Variants in TOP1 observed in about 807,000 individuals in gnomAD.
The protein encoded by TOP1 is DNA topoisomerase I, also known as DNA topoisomerase 1.
Under a neutral mutation model 111.1 loss-of-function variants are expected in TOP1, and 10 were observed. The ratio of observed to expected loss-of-function variants is 0.09; its 90% confidence interval spans 0.06 to 0.15. TOP1 has a LOEUF of 0.15. TOP1 is among the 10% of genes least tolerant of loss of function. The probability of loss-of-function intolerance (pLI) is 1.00; values close to 1 mark genes in which losing one functional copy is unlikely to be tolerated. For synonymous variants in TOP1, 271 were observed against 302.9 expected (o/e 0.89, Z 1.10); for missense variants, 474 against 926.7 (o/e 0.51, Z 6.34).
rs1414989117 is a variant in TOP1, at chr20:41,095,229, A to G, written c.731-1991A>G. On this transcript the variant is annotated intron_variant, in intron 9 of 20. Coordinates refer to ENST00000361337, the MANE Select transcript of TOP1 (RefSeq NM_003286.4). This position sits in a 1 kb window ranked among gnomAD's most constrained non-coding sequence, Gnocchi z 4.6. ...CACCACACCTAAGTTTTGTATTTTT[A>G]ATAGAGACAGGGTTTTACCATGTTG... Among the ~76,000 whole-genome samples, 1 of 151,928 alleles carries G rather than the reference A, an allele frequency of 6.6e-6. No individual in the cohort carries two copies. The highest frequency in any genetic ancestry group is 2.4e-5 in the African/African-American group (1 of 41,368).
At chr20:41,120,995 C>G (rs746577221) in intron 18 of TOP1, among the ~76,000 whole-genome samples, 46 of 152,344 alleles carry the variant, frequency 3.0e-4, no homozygotes, top group South Asian at 6.2e-4. Flanking sequence ...CCCTCCTCAG[C>G]CTCCCCAAAG....
rs188775923 is a variant in TOP1 at position 41,118,508 on chromosome 20, G to A, written c.1950+212G>A. Among the ~76,000 whole-genome samples the A allele has an allele frequency of 4.5e-4, 69 of 152,266 alleles. No homozygotes were observed. Among genetic ancestry groups the A allele is most frequent in the African/African-American group, 1.5e-3 (64 of 41,558 alleles). ...ATTATTCAAGAAATCTTTATTCTAC[G>A]CATAGAAGTTCTATACTGGCCACTC... On this transcript the variant is annotated intron_variant, in intron 18 of 20. Transcript: ENST00000361337. This position sits in a 1 kb window ranked among gnomAD's most constrained non-coding sequence, Gnocchi z 4.6.
intron 3 of TOP1, chr20:41,072,364 A>T (rs1422816119): frequency 7.1e-6 from 7 of 985,306 alleles, no homozygotes; most frequent in Non-Finnish European, 8.4e-6. Flanking sequence ...TTCACTGTTA[A>T]TGAGGAAAGT....
Position 41,092,576 on chromosome 20 carries a change from T to A in TOP1, c.719T>A (p.Phe240Tyr), listed in dbSNP as rs764596482. Residue 240 changes from phenylalanine to tyrosine, a missense_variant, in exon 9 of 21, where the codon TTT becomes TAT. Coordinates refer to ENST00000361337, the MANE Select transcript of TOP1 (RefSeq NM_003286.4). This position sits in a 1 kb window ranked among gnomAD's most constrained non-coding sequence, Gnocchi z 4.3. ...PYEPLPENVKFYYDGKVMKLS... is the reference protein window; with the variant it reads ...PYEPLPENVKYYYDGKVMKLS... Reference sequence around the variant, plus strand: ...GAGCCTCTTCCAGAGAATGTCAAGTTTTATTATGATGGTGAGTTGTTTCAA... The same window carrying A: ...GAGCCTCTTCCAGAGAATGTCAAGTATTATTATGATGGTGAGTTGTTTCAA... 6.5e-7 allele frequency: 1 copy of A among 1,532,062 alleles called. No individual in the cohort carries two copies. Among genetic ancestry groups the A allele is most frequent in the Non-Finnish European group, 8.9e-7 (1 of 1,119,090 alleles). 94.9% of individuals were successfully genotyped at this position (1,532,062 alleles called of 1,614,324 possible).
Position 41,036,652 on chromosome 20 carries a change from T to C in TOP1, c.58+7197T>C, listed in dbSNP as rs181610239. Reference sequence around the variant, plus strand: ...TTCCCTGTTAAAGTTTTAAATCTTCTTGACATTTACACAGTGAATTGTAAC... The same window carrying C: ...TTCCCTGTTAAAGTTTTAAATCTTCCTGACATTTACACAGTGAATTGTAAC... On this transcript the variant is annotated intron_variant, in intron 2 of 20. Transcript: ENST00000361337. Among the ~76,000 whole-genome samples, 328 of 151,420 alleles carry C rather than the reference T, an allele frequency of 2.2e-3. 1 individual carries two copies. The highest frequency in any genetic ancestry group is 6.5e-3 in the African/African-American group (270 of 41,446).
chr20:41,118,382 G>A lies in TOP1; in HGVS notation c.1950+86G>A. 2.0e-6 allele frequency: 3 copies of A among 1,495,598 alleles called. No homozygotes were observed. In the South Asian group the frequency reaches 3.6e-5, roughly 18 times the overall value. 92.6% of individuals were successfully genotyped at this position (1,495,598 alleles called of 1,614,324 possible). On this transcript the variant is annotated intron_variant, in intron 18 of 20. Transcript: ENST00000361337. The surrounding 1 kb of genome is among the most constrained non-coding windows in gnomAD (Gnocchi z 4.6). Reference sequence around the variant, plus strand: ...GGATTCAGGGCTGAGATATCAGCAGGCCAGTGCTGGGTCTGTTGTAGAAGG... The same window carrying A: ...GGATTCAGGGCTGAGATATCAGCAGACCAGTGCTGGGTCTGTTGTAGAAGG...
At chr20:41,055,947 T>C (rs2033465172) in intron 2 of TOP1, among the ~76,000 whole-genome samples, 1 of 152,214 alleles carries the variant, frequency 6.6e-6, no homozygotes, top group African/African-American at 2.4e-5. Flanking sequence ...GGAAGAAGCT[T>C]AAAGATAATG....
chr20:41,056,620 A>T (rs1305971039), intron 2 of TOP1, among the ~76,000 whole-genome samples: 1 of 152,170 alleles, frequency 6.6e-6, no homozygotes, highest in Non-Finnish European at 1.5e-5. Flanking sequence ...AGCCAGTATT[A>T]CAGGTGCACC....
chr20:41,088,882 C>T (rs540398780), intron 8 of TOP1, among the ~76,000 whole-genome samples: 2 of 152,134 alleles, frequency 1.3e-5, no homozygotes, highest in South Asian at 4.2e-4. Context: ...ATCATCTTAA[C>T]CATTTTTAAG....
Position 41,052,772 on chromosome 20 carries a change from C to G in TOP1, c.59-8622C>G, listed in dbSNP as rs145748461. ...TTGGGAGGCCAAGGCAGGTATATCACTTGAGGTCAGGAGTTCGAGACCAGC... is the reference window on the plus strand; with the variant it reads ...TTGGGAGGCCAAGGCAGGTATATCAGTTGAGGTCAGGAGTTCGAGACCAGC... On this transcript the variant is annotated intron_variant, in intron 2 of 20. Coordinates refer to ENST00000361337, the MANE Select transcript of TOP1 (RefSeq NM_003286.4). Among the ~76,000 whole-genome samples the G allele has an allele frequency of 1.8e-3, 274 of 152,292 alleles. 2 individuals carry two copies. Among genetic ancestry groups the G allele is most frequent in the African/African-American group, 6.1e-3 (254 of 41,554 alleles).
chr20:41,032,172 A>G lies in TOP1; in HGVS notation c.58+2717A>G, dbSNP rs1194033335. On this transcript the variant is annotated intron_variant, in intron 2 of 20. Coordinates refer to ENST00000361337, the MANE Select transcript of TOP1 (RefSeq NM_003286.4). The surrounding 1 kb of genome is among the most constrained non-coding windows in gnomAD (Gnocchi z 4.3). ...AACCCATCTTACAGATTAACTGTAC[A>G]AGTTCATATATTAAAATCAAACGTC... Among the ~76,000 whole-genome samples the G allele has an allele frequency of 6.6e-6, 1 of 152,156 alleles. No individual in the cohort carries two copies. The highest frequency in any genetic ancestry group is 6.5e-5 in the Admixed American group (1 of 15,272).
At chr20:41,087,911 C>CT (rs56339484) in intron 8 of TOP1, among the ~76,000 whole-genome samples, 25,180 of 152,102 alleles carry the variant, frequency 0.17, 3,230 homozygotes, top group East Asian at 0.7. Context: ...ATTTCGATGT[C>CT]TAAGTACATG....
In TOP1 at chr20:41,029,576, C is replaced by A; in HGVS notation, c.58+121C>A. 1.2e-6 allele frequency: 1 copy of A among 800,038 alleles called. No homozygotes were observed. The highest frequency in any genetic ancestry group is 2.1e-6 in the Non-Finnish European group (1 of 480,814). The allele number at this position is 800,038 out of a possible 1,614,324, so 49.6% of individuals were successfully genotyped here. A position where few individuals can be genotyped will look rare whatever the true frequency, so the allele number is the denominator to read the frequency against. On this transcript the variant is annotated intron_variant, in intron 2 of 20. Coordinates refer to ENST00000361337, the MANE Select transcript of TOP1 (RefSeq NM_003286.4). The surrounding 1 kb of genome is among the most constrained non-coding windows in gnomAD (Gnocchi z 6.1). ...CCAGAGACTAAGTCCCGGCTCCTCGCTCACCGGCCCCATTGTTCCCATCGG... is the reference window on the plus strand; with the variant it reads ...CCAGAGACTAAGTCCCGGCTCCTCGATCACCGGCCCCATTGTTCCCATCGG...
In TOP1 at chr20:41,069,302, A is replaced by G. The variant is rs2033643820; in HGVS notation, c.156-6869A>G. 6.6e-6 allele frequency among the ~76,000 whole-genome samples: 1 copy of G among 152,226 alleles called. No homozygotes were observed. Among genetic ancestry groups the G allele is most frequent in the African/African-American group, 2.4e-5 (1 of 41,458 alleles). ...GTTTGCCAAAGCCCTCCCTTTGTCT[A>G]CACATCACTATATCATCCTGTCTGT... On this transcript the variant is annotated intron_variant, in intron 3 of 20. Coordinates refer to ENST00000361337, the MANE Select transcript of TOP1 (RefSeq NM_003286.4). This position sits in a 1 kb window ranked among gnomAD's most constrained non-coding sequence, Gnocchi z 4.1.
intron 3 of TOP1, among the ~76,000 whole-genome samples, chr20:41,070,437 G>A (rs985421312): frequency 1.3e-5 from 2 of 152,222 alleles, no homozygotes; most frequent in Non-Finnish European, 2.9e-5. Context: ...CGGCATTGTA[G>A]TGTGTAATGA....
In TOP1 at chr20:41,115,400, G is replaced by A. The variant is rs2034313405; in HGVS notation, c.1668G>A (p.Glu556=). Residue 556 remains glutamate (E), a synonymous_variant, in exon 16 of 21, where the codon GAG becomes GAA. Transcript: ENST00000361337. The surrounding 1 kb of genome is among the most constrained non-coding windows in gnomAD (Gnocchi z 6.3). ...RVFKNLQLFM[E]NKQPEDDLFD... ...TTAAGAACCTACAACTATTTATGGA[G>A]AACAAGCAGCCCGAGGATGATCTTT... 1 of 1,612,956 alleles carries A rather than the reference G, an allele frequency of 6.2e-7. No homozygotes were observed. Among genetic ancestry groups the A allele is most frequent in the African/African-American group, 1.3e-5 (1 of 74,844 alleles).
chr20:41,035,516 TTTG>T (rs951246339), intron 2 of TOP1, among the ~76,000 whole-genome samples: 2 of 152,198 alleles, frequency 1.3e-5, no homozygotes, highest in African/African-American at 2.4e-5. Flanking sequence ...ATCTCCTGTA[TTTG>T]TTGTTGTAAA....
chr20:41,064,359 A>T (rs977327667), intron 3 of TOP1, among the ~76,000 whole-genome samples: 1 of 152,194 alleles, frequency 6.6e-6, no homozygotes. Flanking sequence ...TGCACACGAA[A>T]TGTGCCAAAA....
In TOP1 at chr20:41,095,802, T is replaced by C. The variant is rs1393455088; in HGVS notation, c.731-1418T>C. Among the ~76,000 whole-genome samples the C allele has an allele frequency of 2.0e-5, 3 of 152,250 alleles. No individual in the cohort carries two copies. The highest frequency in any genetic ancestry group is 4.8e-5 in the African/African-American group (2 of 41,466). On this transcript the variant is annotated intron_variant, in intron 9 of 20. Transcript: ENST00000361337. This position sits in a 1 kb window ranked among gnomAD's most constrained non-coding sequence, Gnocchi z 4.6. ...TAATAGTAAGGTGGTGGAATTATAG[T>C]TAACCTCATTTTAAGTATAGCCAAA...
Sources: gnomAD v4.1 joint callset for allele counts (sites outside exome capture counted in the v4.1 genomes callset) on GRCh38, gnomAD v4.1.1 for gene constraint, Gnocchi (gnomAD v3.1) non-coding constraint, MANE v1.5 for transcripts, NCBI Gene and HGNC (gene_info 2026-07-23, HGNC 2026-07-21) for gene names.